MBTD1: variants seen among roughly 807,000 people sequenced by gnomAD.
MBTD1 encodes MBT domain-containing protein 1.
Under a neutral mutation model 87.8 loss-of-function variants are expected in MBTD1, and 24 were observed. The observed-to-expected ratio is 0.27, with a 90% CI of 0.20 to 0.38. MBTD1 has a LOEUF of 0.38. Among genes scored for constraint, MBTD1 ranks in the 10% least tolerant of loss-of-function variants. MBTD1 has a pLI of 1.00. For missense variants in MBTD1, 436 were observed against 760.2 expected (o/e 0.57, Z 5.02); for synonymous variants, 237 against 248.6 (o/e 0.95, Z 0.44).
intron 2 of MBTD1, among the ~76,000 whole-genome samples, chr17:51,234,619 C>T (rs2053730557): frequency 6.6e-6 from 1 of 152,248 alleles, no homozygotes; most frequent in Non-Finnish European, 1.5e-5. Context: ...AAGATCTTCC[C>T]ACAAATGAAA....
chr17:51,245,875 C>G (rs1025001441), intron 2 of MBTD1, among the ~76,000 whole-genome samples: 1 of 152,256 alleles, frequency 6.6e-6, no homozygotes, highest in South Asian at 2.1e-4. Flanking sequence ...TAGTTCAACT[C>G]TATACCAAAA....
In MBTD1 at chr17:51,195,162, T is replaced by C. The variant is rs376692081; in HGVS notation, c.1372+52A>G. 1.9e-5 allele frequency: 29 copies of C among 1,545,788 alleles called. No homozygotes were observed. The Admixed American group carries it at 3.9e-4, about 21-fold the overall frequency. On this transcript the variant is annotated intron_variant, in intron 13 of 16. Coordinates refer to ENST00000586178, the MANE Select transcript of MBTD1 (RefSeq NM_017643.3). The stretch of plus-strand genomic sequence containing the variant: ...TGTTAAATGTTGTAAACAAAAACCA[T>C]GTAAGAAGAAAGCAACAATTAAAAC...
chr17:51,214,317 TA>T (rs553553684), intron 6 of MBTD1, among the ~76,000 whole-genome samples: 6 of 149,292 alleles, frequency 4.0e-5, no homozygotes, highest in African/African-American at 7.4e-5. Flanking sequence ...CTGCCGATTA[TA>T]AAAAAAAAAT....
At chr17:51,230,443 G>A (rs2053485672) in intron 2 of MBTD1, among the ~76,000 whole-genome samples, 1 of 146,870 alleles carries the variant, frequency 6.8e-6, no homozygotes, top group Admixed American at 6.7e-5. Context: ...AGAAAAGCAT[G>A]CAAAGCAGAC....
chr17:51,251,344 T>TCCAAGTCTTCACTGACATGTC, intron 2 of MBTD1: 1 of 152,154 alleles, frequency 6.6e-6, no homozygotes, highest in African/African-American at 2.4e-5. Flanking sequence ...ACTGCCATGT[T>TCCAAGTCTTCACTGACATGTC]TCCAAGTCTT....
At position 51,203,131 on chromosome 17, in the gene MBTD1, GTTT is replaced by G. The variant is rs1372881980; in HGVS notation, c.828+6_828+8del. ...AGCTCTTCAGTCTTTATAAGATCCT[GTTT>G]TTTACCTTTTGGGAGAAATCAGGAG... On this transcript the variant is annotated splice_donor_region_variant and intron_variant, in intron 9 of 16. Transcript: ENST00000586178. 1.3e-6 allele frequency: 2 copies of G among 1,593,830 alleles called. No individual in the cohort carries two copies. Among genetic ancestry groups the G allele is most frequent in the Middle Eastern group, 1.7e-4 (1 of 5,964 alleles).
chr17:51,232,103 GTGAA>G (rs1355516821), intron 2 of MBTD1, among the ~76,000 whole-genome samples: 1 of 152,058 alleles, frequency 6.6e-6, no homozygotes, highest in Non-Finnish European at 1.5e-5. Flanking sequence ...CACGCTCTCG[GTGAA>G]GAGGCTTCTC....
At chr17:51,253,634 G>A (rs2054921952) in intron 2 of MBTD1, among the ~76,000 whole-genome samples, 1 of 152,142 alleles carries the variant, frequency 6.6e-6, no homozygotes, top group Non-Finnish European at 1.5e-5. Flanking sequence ...CAGGGTAGAA[G>A]TGGCATGGGA....
upstream of MBTD1, chr17:51,260,518 C>G (rs2144369148): frequency 6.7e-7 from 1 of 1,487,962 alleles, no homozygotes; most frequent in Non-Finnish European, 8.9e-7. Context: ...CGGCGGCCCG[C>G]GAGGGGCCTG....
At position 51,199,505 on chromosome 17, in the gene MBTD1, G is replaced by A. The variant is rs571437916; in HGVS notation, c.1224+2087C>T. Reference sequence around the variant, plus strand: ...TGCCCAGGATGGAGTGCAGTGGTGCGATCTCAGCTCACTGCAACCTCCCCT... The same window carrying A: ...TGCCCAGGATGGAGTGCAGTGGTGCAATCTCAGCTCACTGCAACCTCCCCT... On this transcript the variant is annotated intron_variant, in intron 12 of 16. Transcript: ENST00000586178. 4.7e-5 allele frequency among the ~76,000 whole-genome samples: 7 copies of A among 150,326 alleles called. No homozygotes were observed. The South Asian group carries it at 6.4e-4, about 14-fold the overall frequency.
At position 51,225,088 on chromosome 17, in the gene MBTD1, ACTT is replaced by A. The variant is rs1215997493; in HGVS notation, c.71_73del (p.Glu24del). On this transcript the variant is annotated inframe_deletion, in exon 3 of 17. Transcript: ENST00000586178. The stretch of plus-strand genomic sequence containing the variant: ...CGGGAGATTAGAAGGTAAAGGAGCG[ACTT>A]CTTCCTCACTCTCTTCGGAGCTGGA... 1 of 1,551,666 alleles carries A rather than the reference ACTT, an allele frequency of 6.4e-7. No individual in the cohort carries two copies. Among genetic ancestry groups the A allele is most frequent in the Admixed American group, 2.0e-5 (1 of 50,984 alleles).
intron 3 of MBTD1, among the ~76,000 whole-genome samples, chr17:51,224,012 T>C (rs1205231864): frequency 3.9e-5 from 6 of 152,376 alleles, no homozygotes; most frequent in Middle Eastern, 3.4e-3. Context: ...ATTATCATTT[T>C]CAAGAAAGCT....
chr17:51,202,711 G>A lies in MBTD1; in HGVS notation c.1053C>T (p.Phe351=). The A allele has an allele frequency of 1.2e-6, 2 of 1,613,258 alleles. No individual in the cohort carries two copies. The highest frequency in any genetic ancestry group is 1.1e-5 in the South Asian group (1 of 91,056). ...GTGATAGGTGCTTACCAGATCTTTT[G>A]AATCGATGACCTATGCTTCGAGACC... ...IGWSRSIGHR[F]KRSDITKKQD... The change falls in exon 10 of 17, where the codon TTC becomes TTT. Residue 351 remains phenylalanine (F), a synonymous_variant. Coordinates refer to ENST00000586178, the MANE Select transcript of MBTD1 (RefSeq NM_017643.3).
chr17:51,248,466 C>A (rs190188874), intron 2 of MBTD1, among the ~76,000 whole-genome samples: 1 of 152,174 alleles, frequency 6.6e-6, no homozygotes, highest in African/African-American at 2.4e-5. Flanking sequence ...AAAATTAAGG[C>A]ATACTGTTGA....
At chr17:51,217,128 T>C (rs1162398056) in intron 6 of MBTD1, among the ~76,000 whole-genome samples, 1 of 152,174 alleles carries the variant, frequency 6.6e-6, no homozygotes, top group Non-Finnish European at 1.5e-5. Context: ...AACTTCAAAC[T>C]GCAATTTCTC....
At chr17:51,259,723 G>A (rs1229898590) in intron 1 of MBTD1, 112 bp downstream of exon 1, 1 of 1,032,200 alleles carries the variant, frequency 9.7e-7, no homozygotes, top group Non-Finnish European at 1.2e-6. Flanking sequence ...GGCGTGGGAT[G>A]GAGAAGCAGG....
At chr17:51,191,964 A>T in intron 16 of MBTD1, 1 of 473,996 alleles carries the variant, frequency 2.1e-6, no homozygotes, top group Middle Eastern at 5.8e-4. Context: ...TCATTCACAG[A>T]CTCTATTCTT....
At chr17:51,206,156 G>C (rs1462784623) in intron 7 of MBTD1, among the ~76,000 whole-genome samples, 1 of 152,172 alleles carries the variant, frequency 6.6e-6, no homozygotes, top group African/African-American at 2.4e-5. Flanking sequence ...TTTACTTCAT[G>C]AGCAGTAAAG....
Position 51,179,469 on chromosome 17 carries a change from C to T in MBTD1, c.*1107G>A, listed in dbSNP as rs1190501872. The T allele has an allele frequency of 7.9e-4, 51 of 64,920 alleles. 1 individual carries two copies. The highest frequency in any genetic ancestry group is 3.0e-3 in the African/African-American group (51 of 16,768). 4.0% of individuals were successfully genotyped at this position (64,920 alleles called of 1,614,324 possible). ...TTATTATTAAAATAAATCCTGAATA[C>T]AATTAAAGACAATTTTATATATATA... On this transcript the variant is annotated 3_prime_UTR_variant, in exon 17 of 17. Coordinates refer to ENST00000586178, the MANE Select transcript of MBTD1 (RefSeq NM_017643.3).
Sources: gnomAD v4.1 joint callset for allele counts (sites outside exome capture counted in the v4.1 genomes callset) on GRCh38, gnomAD v4.1.1 for gene constraint, MANE v1.5 for transcripts, NCBI Gene and HGNC (gene_info 2026-07-23, HGNC 2026-07-21) for gene names.